The following HSDL1 variants were observed in gnomAD, a reference collection of about 807,000 sequenced individuals.
The protein encoded by HSDL1 is hydroxysteroid dehydrogenase like 1, also known as inactive hydroxysteroid dehydrogenase-like protein 1.
HSDL1 carries 29 observed loss-of-function variants against 31.5 expected under a neutral mutation model. The observed-to-expected ratio is 0.92, with a 90% CI of 0.69 to 1.26. HSDL1 has a LOEUF of 1.26. Among genes scored for constraint, HSDL1 ranks in the 50% most tolerant of loss-of-function variants. The pLI, the probability that HSDL1 is intolerant of heterozygous loss-of-function variation, is 0.00. For missense variants in HSDL1, 503 were observed against 416.6 expected, an observed-to-expected ratio of 1.21 and a Z score of -1.81; for synonymous variants, 222 against 155.2, an observed-to-expected ratio of 1.43 and a Z score of -3.20.
Position 84,123,492 on chromosome 16 carries a change from T to C in HSDL1, c.*1138A>G, listed in dbSNP as rs2086574464. 1 of 152,268 alleles carries C rather than the reference T, an allele frequency of 6.6e-6. No homozygotes were observed. The highest frequency in any genetic ancestry group is 2.4e-5 in the African/African-American group (1 of 41,470). 9.4% of individuals were successfully genotyped at this position (152,268 alleles called of 1,614,324 possible). A position where few individuals can be genotyped will look rare whatever the true frequency, so the allele number is the denominator to read the frequency against. On this transcript the variant is annotated 3_prime_UTR_variant, in exon 6 of 6. Transcript: ENST00000219439. ...CACAGGTTTCAATGTTAACGCGTAT[T>C]GTGAGGGTTTGTGCATAATTATCTT...
chr16:84,131,081 T>G, intron 3 of HSDL1, 21 bp downstream of exon 3: 1 of 1,568,042 alleles, frequency 6.4e-7, no homozygotes, highest in Non-Finnish European at 8.7e-7. Flanking sequence ...AAAAGATTAT[T>G]TTGATTATAA....
At position 84,130,196 on chromosome 16, in the gene HSDL1, C is replaced by G. The variant is rs1339039885; in HGVS notation, c.456G>C (p.Val152=). 3 of 1,614,172 alleles carry G rather than the reference C, an allele frequency of 1.9e-6. No homozygotes were observed. The highest frequency in any genetic ancestry group is 2.5e-6 in the Non-Finnish European group (3 of 1,180,032). The stretch of plus-strand genomic sequence containing the variant: ...ACTGCGGGTAGGGATAAAACACACC[C>G]ACGTTATTTACCAAGATGCCAACGT... ...DKDVGILVNN[V]GVFYPYPQYF... The change falls in exon 4 of 6, where the codon GTG becomes GTC. Residue 152 remains valine, a synonymous_variant. Transcript: ENST00000219439.
In HSDL1 at chr16:84,125,086, TCAATCACAACAAATACCCAC is replaced by T. The variant is rs1445253055; in HGVS notation, c.895-378_895-359del. On this transcript the variant is annotated intron_variant, in intron 5 of 5. Transcript: ENST00000219439. ...AGCAATCACAACAAATACCCACCAA[TCAATCACAACAAATACCCAC>T]CAATCACAACAAATACCCACCAATC... The T allele has an allele frequency of 1.5e-3, 273 of 177,562 alleles. 3 individuals carry two copies. The highest frequency in any genetic ancestry group is 7.1e-3 in the African/African-American group (246 of 34,824). The allele number at this position is 177,562 out of a possible 1,614,324, so 11.0% of individuals were successfully genotyped here.
chr16:84,124,471 G>A lies in HSDL1; in HGVS notation c.*159C>T. On this transcript the variant is annotated 3_prime_UTR_variant, in exon 6 of 6. Transcript: ENST00000219439. Reference sequence around the variant, plus strand: ...CCACACACCCTTAAGGTTTTTCACAGCACTCTGACGGTATTATGTGTGTTT... The same window carrying A: ...CCACACACCCTTAAGGTTTTTCACAACACTCTGACGGTATTATGTGTGTTT... 1.7e-6 allele frequency: 1 copy of A among 575,434 alleles called. No homozygotes were observed. The allele number at this position is 575,434 out of a possible 1,614,324, so 35.6% of individuals were successfully genotyped here. A position where few individuals can be genotyped will look rare whatever the true frequency, so the allele number is the denominator to read the frequency against.
chr16:84,138,761 G>A (rs977637142), intron 1 of HSDL1, among the ~76,000 whole-genome samples: 26 of 152,178 alleles, frequency 1.7e-4, no homozygotes, highest in African/African-American at 6.3e-4. Context: ...TATCTTTTAA[G>A]CATTTTCTAC....
At chr16:84,132,979 G>GA (rs35217885) in intron 2 of HSDL1, among the ~76,000 whole-genome samples, 54,559 of 131,004 alleles carry the variant, frequency 0.42, 10,309 homozygotes, top group African/African-American at 0.46. Context: ...CTTTAAAATA[G>GA]AAAAAAAAAA....
intron 5 of HSDL1, among the ~76,000 whole-genome samples, chr16:84,129,235 C>A (rs967601116): frequency 1.3e-5 from 2 of 151,932 alleles, no homozygotes; most frequent in Non-Finnish European, 2.9e-5. Flanking sequence ...CAAAAATTAG[C>A]CAGGCGTGGT....
intron 5 of HSDL1, among the ~76,000 whole-genome samples, chr16:84,125,807 A>G (rs1315525673): frequency 6.6e-6 from 1 of 152,050 alleles, no homozygotes; most frequent in Non-Finnish European, 1.5e-5. Context: ...TTCACTGGTT[A>G]AGAACCACAA....
chr16:84,129,322 G>C (rs559841445), intron 5 of HSDL1, among the ~76,000 whole-genome samples: 73 of 152,012 alleles, frequency 4.8e-4, no homozygotes, highest in Non-Finnish European at 4.4e-4. Context: ...GGAGCTTGCA[G>C]TGAGCTGAGA....
intron 1 of HSDL1, among the ~76,000 whole-genome samples, chr16:84,141,483 A>T (rs2086769032): frequency 6.6e-6 from 1 of 152,268 alleles, no homozygotes; most frequent in Admixed American, 6.5e-5. Flanking sequence ...ACAGTGCTGC[A>T]GGGAGCGCTT....
chr16:84,141,267 C>T (rs965207856), intron 1 of HSDL1, among the ~76,000 whole-genome samples: 1 of 152,226 alleles, frequency 6.6e-6, no homozygotes, highest in African/African-American at 2.4e-5. Context: ...CAGTATCTCA[C>T]GGTTCAGATG....
intron 2 of HSDL1, among the ~76,000 whole-genome samples, chr16:84,134,394 G>A (rs1160789834): frequency 6.6e-6 from 1 of 152,062 alleles, no homozygotes; most frequent in Non-Finnish European, 1.5e-5. Flanking sequence ...AGGCCGAGGT[G>A]GGCAGATCAC....
At chr16:84,138,745 C>G (rs1350334811) in intron 1 of HSDL1, among the ~76,000 whole-genome samples, 1 of 152,172 alleles carries the variant, frequency 6.6e-6, no homozygotes, top group East Asian at 1.9e-4. Context: ...AAGAGCAAGT[C>G]CCTATTATCT....
intron 5 of HSDL1, among the ~76,000 whole-genome samples, chr16:84,127,846 G>T (rs1428943559): frequency 6.6e-6 from 1 of 150,746 alleles, no homozygotes; most frequent in Non-Finnish European, 1.5e-5. Flanking sequence ...AGCCTCCTGA[G>T]TAGCTGGGAC....
chr16:84,132,487 T>C (rs555747197), intron 2 of HSDL1, among the ~76,000 whole-genome samples: 1 of 152,364 alleles, frequency 6.6e-6, no homozygotes, highest in Non-Finnish European at 1.5e-5. Flanking sequence ...ACCATTATGT[T>C]GCCTGGTCTC....
In HSDL1 at chr16:84,131,190, A is replaced by G. The variant is rs763009017; in HGVS notation, c.132T>C (p.Phe44=). 5 of 1,614,068 alleles carry G rather than the reference A, an allele frequency of 3.1e-6. No individual in the cohort carries two copies. In the Admixed American group the frequency reaches 5.0e-5, roughly 16 times the overall value. The change falls in exon 3 of 6, where the codon TTT becomes TTC. Residue 44 remains phenylalanine (F), a synonymous_variant. Coordinates refer to ENST00000219439, the MANE Select transcript of HSDL1 (RefSeq NM_031463.5). ...TAAAATGCAGCCTGATCAGGCTGTA[A>G]AAGTCACAGATGACAGTGATGCTTT... ...ARKSITVICD[F]YSLIRLHFIP...
chr16:84,137,489 G>C (rs2086723511), intron 1 of HSDL1, among the ~76,000 whole-genome samples: 1 of 152,304 alleles, frequency 6.6e-6, no homozygotes, highest in Non-Finnish European at 1.5e-5. Context: ...GGTGGGGCTT[G>C]TTTAGGAAGG....
chr16:84,123,717 A>G lies in HSDL1; in HGVS notation c.*913T>C, dbSNP rs904250444. On this transcript the variant is annotated 3_prime_UTR_variant, in exon 6 of 6. Coordinates refer to ENST00000219439, the MANE Select transcript of HSDL1 (RefSeq NM_031463.5). Reference sequence around the variant, plus strand: ...AAAACGTAGGAAAACCAGATATAACAAGCTCTAAAGGGCTAAATTTCAGTT... The same window carrying G: ...AAAACGTAGGAAAACCAGATATAACGAGCTCTAAAGGGCTAAATTTCAGTT... 6.6e-6 allele frequency: 1 copy of G among 152,598 alleles called. No homozygotes were observed. Among genetic ancestry groups the G allele is most frequent in the Non-Finnish European group, 1.5e-5 (1 of 68,042 alleles). The allele number at this position is 152,598 out of a possible 1,614,324, so 9.5% of individuals were successfully genotyped here.
At chr16:84,140,826 G>A (rs1398815246) in intron 1 of HSDL1, among the ~76,000 whole-genome samples, 2 of 152,070 alleles carry the variant, frequency 1.3e-5, no homozygotes, top group Non-Finnish European at 2.9e-5. Flanking sequence ...ATTGCTGGCC[G>A]GGCGCGGTGG....
Sources: allele counts gnomAD v4.1 joint callset (sites outside exome capture counted in the v4.1 genomes callset), GRCh38; gene constraint gnomAD v4.1.1; transcripts MANE v1.5; gene names NCBI Gene and HGNC (gene_info 2026-07-23, HGNC 2026-07-21).